CSRNP3: variants seen among roughly 807,000 people sequenced by gnomAD.
The protein encoded by CSRNP3 is cysteine and serine rich nuclear protein 3.
In CSRNP3, 12 loss-of-function variants were observed where a neutral mutation model predicts 48.0. The observed-to-expected ratio is 0.25, with a 90% CI of 0.16 to 0.41. CSRNP3 has a LOEUF of 0.41. Ranked by LOEUF, CSRNP3 falls within the 10% of genes least tolerant of loss-of-function variation. The probability of loss-of-function intolerance (pLI) is 1.00; values close to 1 mark genes in which losing one functional copy is unlikely to be tolerated. For synonymous variants in CSRNP3, 263 were observed against 269.7 expected (o/e 0.98, Z 0.24); for missense variants, 580 against 724.4 (o/e 0.80, Z 2.29).
Position 165,490,154 on chromosome 2 carries a change from A to G in CSRNP3, c.-282-4605A>G, listed in dbSNP as rs1207737361. ...TCACAAGCATTCTTATACACCAACA[A>G]CAGACAAACAGAGAGCCAAATCATG... is the stretch of plus-strand genomic sequence containing the variant. On this transcript the variant is annotated intron_variant, in intron 1 of 6. Coordinates refer to ENST00000651982, the MANE Select transcript of CSRNP3 (RefSeq NM_001172173.2). 6.7e-5 allele frequency among the ~76,000 whole-genome samples: 10 copies of G among 148,806 alleles called. No individual in the cohort carries two copies. The Middle Eastern group carries it at 0.024, about 357-fold the overall frequency.
Position 165,658,710 on chromosome 2 carries a change from C to T in CSRNP3, c.408+690C>T, listed in dbSNP as rs185203976. Among the ~76,000 whole-genome samples, 338 of 152,166 alleles carry T rather than the reference C, an allele frequency of 2.2e-3. 3 individuals carry two copies. Among genetic ancestry groups the T allele is most frequent in the African/African-American group, 7.7e-3 (318 of 41,512 alleles). On this transcript the variant is annotated intron_variant, in intron 5 of 6. Coordinates refer to ENST00000651982, the MANE Select transcript of CSRNP3 (RefSeq NM_001172173.2). ...AGGGCAAAAGGCACTTATTACATGG[C>T]GGCAGCAAGAGGGAAAGTGAGAGCC...
At chr2:165,539,217 A>G (rs1469875022) in intron 3 of CSRNP3, among the ~76,000 whole-genome samples, 1 of 152,004 alleles carries the variant, frequency 6.6e-6, no homozygotes, top group Admixed American at 6.6e-5. Flanking sequence ...CTGACAGATC[A>G]ATATGCACTG....
chr2:165,473,796 G>A (rs1490744293), intron 1 of CSRNP3, among the ~76,000 whole-genome samples: 5 of 152,012 alleles, frequency 3.3e-5, no homozygotes, highest in African/African-American at 4.8e-5. Flanking sequence ...TATTATAATG[G>A]CCTAAATTGT....
At chr2:165,520,786 T>C (rs1574818371) in intron 3 of CSRNP3, among the ~76,000 whole-genome samples, 11 of 4,894 alleles carry the variant, frequency 2.2e-3, no homozygotes, top group South Asian at 5.3e-3. Flanking sequence ...ATATATATTA[T>C]ATATATATAT....
intron 3 of CSRNP3, among the ~76,000 whole-genome samples, chr2:165,584,661 T>C (rs1037714356): frequency 6.6e-6 from 1 of 152,100 alleles, no homozygotes; most frequent in Admixed American, 6.5e-5. Flanking sequence ...AAAAAGCTTA[T>C]AGAATGAGTC....
chr2:165,683,615 T>C lies in CSRNP3; in HGVS notation c.*3862T>C, dbSNP rs923361315. The C allele has an allele frequency of 6.6e-6, 1 of 152,116 alleles. No individual in the cohort carries two copies. The highest frequency in any genetic ancestry group is 6.6e-5 in the Admixed American group (1 of 15,240). 9.4% of individuals were successfully genotyped at this position (152,116 alleles called of 1,614,324 possible). A position where few individuals can be genotyped will look rare whatever the true frequency, so the allele number is the denominator to read the frequency against. ...AGTTTATGACTCTTTGGTCTTTATA[T>C]TCAAAATTTATTAAGTATCAATTCT... On this transcript the variant is annotated 3_prime_UTR_variant, in exon 7 of 7. Coordinates refer to ENST00000651982, the MANE Select transcript of CSRNP3 (RefSeq NM_001172173.2).
In CSRNP3 at chr2:165,681,752, TATATATATAC is replaced by T. The variant is rs768321411; in HGVS notation, c.*2001_*2010del. On this transcript the variant is annotated 3_prime_UTR_variant, in exon 7 of 7. Transcript: ENST00000651982. Reference sequence around the variant, plus strand: ...ATATATATATATATATATATATATATATATATATACACACACACACACACATACACATATA... The same window carrying T: ...ATATATATATATATATATATATATATACACACACACACACATACACATATA... 5.1e-3 allele frequency: 519 copies of T among 100,864 alleles called. 4 individuals are homozygous for T. The highest frequency in any genetic ancestry group is 0.015 in the African/African-American group (418 of 28,660). The allele number at this position is 100,864 out of a possible 1,614,324, so 6.2% of individuals were successfully genotyped here.
At chr2:165,527,038 C>T (rs184383760) in intron 3 of CSRNP3, among the ~76,000 whole-genome samples, 3 of 151,920 alleles carry the variant, frequency 2.0e-5, no homozygotes, top group Middle Eastern at 3.4e-3. Flanking sequence ...ATGAGGAAGT[C>T]ATTAAATAAA....
intron 3 of CSRNP3, among the ~76,000 whole-genome samples, chr2:165,519,688 A>G (rs1684626576): frequency 1.3e-5 from 2 of 152,158 alleles, no homozygotes. Context: ...GCATGGGGGT[A>G]TAGGGTGGAT....
At chr2:165,578,158 C>T (rs1193158335) in intron 3 of CSRNP3, among the ~76,000 whole-genome samples, 2 of 151,916 alleles carry the variant, frequency 1.3e-5, no homozygotes, top group African/African-American at 4.8e-5. Flanking sequence ...ATCATTGGTG[C>T]CATATACTTC....
intron 2 of CSRNP3, among the ~76,000 whole-genome samples, chr2:165,511,143 GGC>G (rs1382019336): frequency 6.6e-5 from 10 of 152,116 alleles, no homozygotes; most frequent in Admixed American, 2.0e-4. Context: ...CATTGGATTT[GGC>G]AATATTCAAG....
intron 3 of CSRNP3, among the ~76,000 whole-genome samples, chr2:165,555,244 T>G (rs976610667): frequency 1.3e-5 from 2 of 152,240 alleles, no homozygotes; most frequent in African/African-American, 4.8e-5. Flanking sequence ...CTTATTTGCT[T>G]TGTCCCCTTT....
chr2:165,625,464 A>T (rs895532551), intron 4 of CSRNP3, among the ~76,000 whole-genome samples: 1 of 136,910 alleles, frequency 7.3e-6, no homozygotes, highest in African/African-American at 2.7e-5. Flanking sequence ...TGTCTCTAAT[A>T]AAAAAAAAAA....
intron 3 of CSRNP3, among the ~76,000 whole-genome samples, chr2:165,582,773 G>A (rs1685569059): frequency 6.6e-6 from 1 of 152,140 alleles, no homozygotes. Flanking sequence ...TCTGCTATGT[G>A]CACTTTTTTC....
intron 3 of CSRNP3, among the ~76,000 whole-genome samples, chr2:165,518,871 T>C (rs1488132412): frequency 6.6e-6 from 1 of 152,078 alleles, no homozygotes; most frequent in Non-Finnish European, 1.5e-5. Flanking sequence ...TCTAAGTGAA[T>C]AAGATATGGT....
At chr2:165,676,659 C>T (rs766099004) in intron 6 of CSRNP3, 51 bp downstream of exon 6, 14 of 1,531,414 alleles carry the variant, frequency 9.1e-6, no homozygotes, top group African/African-American at 1.4e-5. Flanking sequence ...GTCTACCACC[C>T]CCTAAGGAGG....
chr2:165,679,091 C>T lies in CSRNP3; in HGVS notation c.1096C>T (p.Pro366Ser). ...AGATTCTAGCACGCAAAGCTTGGCACCTAGTGAGTCAGACGAGGAGGAGGA... is the reference window on the plus strand; with the variant it reads ...AGATTCTAGCACGCAAAGCTTGGCATCTAGTGAGTCAGACGAGGAGGAGGA... ...VTDSSTQSLA[P>S]SESDEEEEEE... Residue 366 changes from proline (P) to serine (S), a missense_variant, in exon 7 of 7, where the codon CCT becomes TCT. Pro to Ser is a moderately conservative substitution (Grantham distance 74). Transcript: ENST00000651982. The T allele has an allele frequency of 1.2e-6, 2 of 1,613,308 alleles. No homozygotes were observed. Among genetic ancestry groups the T allele is most frequent in the Non-Finnish European group, 1.7e-6 (2 of 1,179,794 alleles).
At chr2:165,599,283 G>GAGAAAGGAAGAAAGAAAGAA (rs1685864176) in intron 4 of CSRNP3, among the ~76,000 whole-genome samples, 1 of 104,746 alleles carries the variant, frequency 9.5e-6, no homozygotes, top group Non-Finnish European at 2.0e-5. Flanking sequence ...AAGAGAGAGA[G>GAGAAAGGAAGAAAGAAAGAA]AGAAAGAAAG....
intron 4 of CSRNP3, among the ~76,000 whole-genome samples, chr2:165,646,292 A>T (rs1241727059): frequency 2.6e-5 from 4 of 151,900 alleles, no homozygotes; most frequent in Admixed American, 6.6e-5. Flanking sequence ...TTTCTAAGAG[A>T]TTTTAGAATT....
Sources: allele counts gnomAD v4.1 joint callset (sites outside exome capture counted in the v4.1 genomes callset), GRCh38; gene constraint gnomAD v4.1.1; transcripts MANE v1.5; gene names NCBI Gene and HGNC (gene_info 2026-07-23, HGNC 2026-07-21).